NELL1: variants seen among roughly 807,000 people sequenced by gnomAD.
The protein encoded by NELL1 is neural EGFL like 1.
In NELL1, 76 loss-of-function variants were observed where a neutral mutation model predicts 107.4. The ratio of observed to expected loss-of-function variants is 0.71; its 90% CI spans 0.59 to 0.86. The LOEUF (loss-of-function observed/expected upper bound fraction) is 0.86, where lower values mean the gene tolerates loss of function less well. Ranked by LOEUF, NELL1 falls within the 40% of genes least tolerant of loss-of-function variation. The pLI is 0.00. For synonymous variants in NELL1, 353 were observed against 341.2 expected, an observed-to-expected ratio of 1.03 and a Z score of -0.38; for missense variants, 1,024 against 1,005.5, an observed-to-expected ratio of 1.02 and a Z score of -0.25.
At chr11:20,696,774 T>A (rs74814896) in intron 2 of NELL1, among the ~76,000 whole-genome samples, 9,743 of 152,180 alleles carry the variant, frequency 0.064, 437 homozygotes, top group Middle Eastern at 0.14. Flanking sequence ...CAAAGAATAA[T>A]TTGTGAATTG....
chr11:21,563,596 G>A (rs1323507062), intron 17 of NELL1, among the ~76,000 whole-genome samples: 2 of 151,958 alleles, frequency 1.3e-5, no homozygotes, highest in African/African-American at 4.8e-5. Flanking sequence ...GGTATTATTA[G>A]TAATCTAGAG....
intron 19 of NELL1, 110 bp from the exon 20 acceptor site, chr11:21,574,862 T>C: frequency 2.3e-6 from 2 of 854,020 alleles, no homozygotes; most frequent in East Asian, 2.5e-5. Flanking sequence ...TTTATAGCCT[T>C]CTTGAAGTTT....
chr11:21,215,023 A>G (rs1857584120), intron 13 of NELL1, among the ~76,000 whole-genome samples: 2 of 152,190 alleles, frequency 1.3e-5, no homozygotes, highest in Non-Finnish European at 2.9e-5. Flanking sequence ...GGTATATAGG[A>G]TGCTGATATG....
At chr11:21,183,976 T>C (rs1856880889) in intron 13 of NELL1, among the ~76,000 whole-genome samples, 1 of 151,710 alleles carries the variant, frequency 6.6e-6, no homozygotes, top group Admixed American at 6.6e-5. Flanking sequence ...AATTTGCCTG[T>C]TTTCTTACAT....
At chr11:21,411,618 C>T (rs760541208) in intron 15 of NELL1, among the ~76,000 whole-genome samples, 5 of 152,008 alleles carry the variant, frequency 3.3e-5, no homozygotes, top group Non-Finnish European at 7.4e-5. Flanking sequence ...GCCAAAAAAA[C>T]TCAGTGATCA....
chr11:20,912,165 A>G (rs1344700281), intron 5 of NELL1, among the ~76,000 whole-genome samples: 1 of 152,140 alleles, frequency 6.6e-6, no homozygotes, highest in African/African-American at 2.4e-5. Context: ...GTCAAACCTA[A>G]TTTCTGGACC....
intron 12 of NELL1, among the ~76,000 whole-genome samples, chr11:21,078,291 G>C (rs1199245966): frequency 1.3e-5 from 2 of 151,846 alleles, no homozygotes; most frequent in East Asian, 3.8e-4. Flanking sequence ...ATAATAAAAA[G>C]TTTAAGAGTT....
intron 14 of NELL1, among the ~76,000 whole-genome samples, chr11:21,353,934 A>G (rs985228301): frequency 2.0e-5 from 3 of 152,140 alleles, no homozygotes; most frequent in Non-Finnish European, 2.9e-5. Context: ...TTTTCCCAAG[A>G]TGGCTTTCCC....
chr11:21,308,388 G>A (rs1849654844), intron 14 of NELL1, among the ~76,000 whole-genome samples: 1 of 152,014 alleles, frequency 6.6e-6, no homozygotes, highest in Non-Finnish European at 1.5e-5. Context: ...AGAAGGCTGG[G>A]TAATAGGTCA....
chr11:20,759,444 C>T (rs760061498), intron 2 of NELL1, among the ~76,000 whole-genome samples: 2 of 152,146 alleles, frequency 1.3e-5, no homozygotes, highest in African/African-American at 4.8e-5. Context: ...TTCACAAACC[C>T]GTGAATACCA....
chr11:21,050,021 A>G (rs1484637167), intron 12 of NELL1, among the ~76,000 whole-genome samples: 2 of 152,180 alleles, frequency 1.3e-5, no homozygotes, highest in East Asian at 3.9e-4. Context: ...TAGTTTGACA[A>G]CTGATGCCAC....
chr11:21,566,616 A>G (rs1286355861), intron 17 of NELL1, among the ~76,000 whole-genome samples: 1 of 151,870 alleles, frequency 6.6e-6, no homozygotes, highest in Non-Finnish European at 1.5e-5. Flanking sequence ...TCTTTGGCAT[A>G]TAAGTAGGGA....
intron 14 of NELL1, among the ~76,000 whole-genome samples, chr11:21,368,643 C>T (rs774857399): frequency 1.3e-5 from 2 of 151,952 alleles, no homozygotes; most frequent in African/African-American, 4.8e-5. Flanking sequence ...AGAATGAAAA[C>T]TACCCTTGTT....
At chr11:21,480,861 T>C (rs1854475461) in intron 15 of NELL1, among the ~76,000 whole-genome samples, 1 of 152,214 alleles carries the variant, frequency 6.6e-6, no homozygotes, top group Non-Finnish European at 1.5e-5. Flanking sequence ...TGGGGTGGTC[T>C]GAATGGTTGG....
At chr11:21,002,343 A>G (rs916378583) in intron 12 of NELL1, among the ~76,000 whole-genome samples, 2 of 83,974 alleles carry the variant, frequency 2.4e-5, no homozygotes, top group Non-Finnish European at 4.4e-5. Flanking sequence ...AGATATTTGG[A>G]CATTCTGACT....
At chr11:21,562,900 A>T (rs1364392679) in intron 17 of NELL1, among the ~76,000 whole-genome samples, 1 of 152,068 alleles carries the variant, frequency 6.6e-6, no homozygotes, top group Non-Finnish European at 1.5e-5. Flanking sequence ...CTAGTGTTTC[A>T]TGGTAATTGA....
chr11:21,369,464 A>C (rs561111037), intron 14 of NELL1, among the ~76,000 whole-genome samples: 1 of 150,814 alleles, frequency 6.6e-6, no homozygotes, highest in Non-Finnish European at 1.5e-5. Flanking sequence ...TGGCAGAGGC[A>C]GAGGAAGTTG....
intron 14 of NELL1, among the ~76,000 whole-genome samples, chr11:21,286,568 G>C (rs917739805): frequency 1.3e-5 from 2 of 152,158 alleles, no homozygotes; most frequent in Non-Finnish European, 1.5e-5. Flanking sequence ...ATTTATTTAT[G>C]GCACAATCAG....
At chr11:21,462,916 T>C (rs1006977921) in intron 15 of NELL1, among the ~76,000 whole-genome samples, 2 of 152,030 alleles carry the variant, frequency 1.3e-5, no homozygotes, top group Non-Finnish European at 2.9e-5. Context: ...TGTTTGACTG[T>C]AATGGCAGTT....
Sources: allele counts gnomAD v4.1 joint callset (sites outside exome capture counted in the v4.1 genomes callset), GRCh38; gene constraint gnomAD v4.1.1; transcripts MANE v1.5; gene names NCBI Gene and HGNC (gene_info 2026-07-23, HGNC 2026-07-21).